The following ZFPM1 variants were observed in gnomAD, a reference collection of about 807,000 sequenced individuals.
The protein encoded by ZFPM1 is zinc finger protein ZFPM1.
In ZFPM1, 28 loss-of-function variants were observed where a neutral mutation model predicts 46.3. That is an observed-to-expected ratio of 0.60 (90% CI 0.45 to 0.83). The LOEUF is 0.83. Ranked by LOEUF, ZFPM1 falls within the 40% of genes least tolerant of loss-of-function variation. ZFPM1 has a pLI of 0.00. For synonymous variants in ZFPM1, 957 were observed against 675.9 expected (o/e 1.42, Z -6.45); for missense variants, 1,878 against 1,432.4 (o/e 1.31, Z -5.02).
intron 1 of ZFPM1, among the ~76,000 whole-genome samples, chr16:88,477,591 A>C (rs1908744772): frequency 6.6e-6 from 1 of 152,180 alleles, no homozygotes; most frequent in Non-Finnish European, 1.5e-5. Context: ...GCTACTCAGG[A>C]GGCTTAGGCC....
At chr16:88,489,003 G>T (rs1241989762) in intron 2 of ZFPM1, 28 bp from the exon 3 acceptor site, 1 of 1,605,716 alleles carries the variant, frequency 6.2e-7, no homozygotes, top group Admixed American at 1.7e-5. Flanking sequence ...CACTCAGCAG[G>T]GATGTGACGG....
chr16:88,457,776 G>A (rs1907621879), intron 1 of ZFPM1, among the ~76,000 whole-genome samples: 1 of 152,020 alleles, frequency 6.6e-6, no homozygotes, highest in South Asian at 2.1e-4. Flanking sequence ...CAGACACGAG[G>A]CACCGCACCT....
intron 3 of ZFPM1, among the ~76,000 whole-genome samples, chr16:88,502,731 G>GA (rs746836472): frequency 4.6e-5 from 7 of 152,250 alleles, no homozygotes; most frequent in Non-Finnish European, 1.0e-4. Context: ...ATTTATCCCA[G>GA]AAAAATCATC....
In ZFPM1 at chr16:88,516,362, T is replaced by C. The variant is rs141069353; in HGVS notation, c.402+1842T>C. 1.9e-3 allele frequency: 771 copies of C among 397,684 alleles called. 12 individuals carry two copies. The highest frequency in any genetic ancestry group is 0.018 in the East Asian group (506 of 28,056). The allele number at this position is 397,684 out of a possible 1,614,324, so 24.6% of individuals were successfully genotyped here. The stretch of plus-strand genomic sequence containing the variant: ...CTGCTCTGGCCTAGGGCACAGGCCA[T>C]CCTGGGGATACGGGCACGGGGTTAG... On this transcript the variant is annotated intron_variant, in intron 4 of 9. Transcript: ENST00000319555.
At chr16:88,454,488 G>A (rs1198877010) in intron 1 of ZFPM1, among the ~76,000 whole-genome samples, 1 of 152,216 alleles carries the variant, frequency 6.6e-6, no homozygotes, top group Non-Finnish European at 1.5e-5. Flanking sequence ...CTGAGTCAGA[G>A]AAGGGCCTCC....
rs755209561 is a variant in ZFPM1 at position 88,481,981 on chromosome 16, C to G, written c.41-3958C>G. On this transcript the variant is annotated intron_variant, in intron 1 of 9. Coordinates refer to ENST00000319555, the MANE Select transcript of ZFPM1 (RefSeq NM_153813.3). ...GTTTCATCTCCTGAAGTGGGAGCTGCTGTGGCTTCCATCTGTAGACCGGGA... is the reference window on the plus strand; with the variant it reads ...GTTTCATCTCCTGAAGTGGGAGCTGGTGTGGCTTCCATCTGTAGACCGGGA... Among the ~76,000 whole-genome samples, 100 of 152,336 alleles carry G rather than the reference C, an allele frequency of 6.6e-4. 1 individual carries two copies. Among genetic ancestry groups the G allele is most frequent in the Middle Eastern group, 6.8e-3 (2 of 294 alleles).
In ZFPM1 at chr16:88,497,084, C is replaced by T. The variant is rs1909971233; in HGVS notation, c.268+7931C>T. On this transcript the variant is annotated intron_variant, in intron 3 of 9. Transcript: ENST00000319555. The surrounding 1 kb of genome is among the most constrained non-coding windows in gnomAD (Gnocchi z 5.4). ...GGAGCTCTCCCAGGACCACTATGGA[C>T]AAGGTGAATTCCAGCTGATCACACA... Among the ~76,000 whole-genome samples, 1 of 152,246 alleles carries T rather than the reference C, an allele frequency of 6.6e-6. No homozygotes were observed. The highest frequency in any genetic ancestry group is 1.5e-5 in the Non-Finnish European group (1 of 68,050).
Position 88,493,877 on chromosome 16 carries a change from G to A in ZFPM1, c.268+4724G>A, listed in dbSNP as rs576289471. On this transcript the variant is annotated intron_variant, in intron 3 of 9. Transcript: ENST00000319555. ...GTTCTGAGCTCTGTCTGCTGCGAGCGGCTTTGCTCTCGAGCGCCACGGCTT... is the reference window on the plus strand; with the variant it reads ...GTTCTGAGCTCTGTCTGCTGCGAGCAGCTTTGCTCTCGAGCGCCACGGCTT... 7.2e-5 allele frequency among the ~76,000 whole-genome samples: 11 copies of A among 152,286 alleles called. No homozygotes were observed. The South Asian group carries it at 1.5e-3, about 20-fold the overall frequency.
At chr16:88,526,964 G>C (rs1418249446) in intron 5 of ZFPM1, 48 bp downstream of exon 5, 1 of 1,528,428 alleles carries the variant, frequency 6.5e-7, no homozygotes, top group Admixed American at 2.0e-5. Context: ...GAAGGTGGGG[G>C]TCACTTGGCT....
At chr16:88,460,091 T>C (rs2142338686) in intron 1 of ZFPM1, among the ~76,000 whole-genome samples, 1 of 151,954 alleles carries the variant, frequency 6.6e-6, no homozygotes, top group East Asian at 2.0e-4. Flanking sequence ...ACTCTTGCCC[T>C]CTTGGGCTGG....
chr16:88,500,284 G>T (rs1052329362), intron 3 of ZFPM1, among the ~76,000 whole-genome samples: 6 of 152,192 alleles, frequency 3.9e-5, no homozygotes, highest in African/African-American at 7.2e-5. Flanking sequence ...TGGGCCTGCC[G>T]CATGGCCGGG....
intron 3 of ZFPM1, among the ~76,000 whole-genome samples, chr16:88,490,502 G>C (rs1395742692): frequency 6.6e-6 from 1 of 152,234 alleles, no homozygotes; most frequent in African/African-American, 2.4e-5. Flanking sequence ...CTGGGGAGCG[G>C]GAAAGGCTTC....
rs879174932 is a variant in ZFPM1, at chr16:88,501,441, C to T, written c.268+12288C>T. ...AGATAGCAGACATGGATGCGGGGGCCATCCCGCAGGTGCTGGTGATGATAG... is the reference window on the plus strand; with the variant it reads ...AGATAGCAGACATGGATGCGGGGGCTATCCCGCAGGTGCTGGTGATGATAG... On this transcript the variant is annotated intron_variant, in intron 3 of 9. Transcript: ENST00000319555. Among the ~76,000 whole-genome samples the T allele has an allele frequency of 4.4e-4, 47 of 105,636 alleles. 1 individual carries two copies. The highest frequency in any genetic ancestry group is 1.4e-3 in the East Asian group (4 of 2,872). The allele number at this position is 105,636 out of a possible 152,430, so 69.3% of individuals were successfully genotyped here.
chr16:88,451,869 C>T (rs1456634334), upstream of ZFPM1, among the ~76,000 whole-genome samples: 1 of 151,980 alleles, frequency 6.6e-6, no homozygotes, highest in Non-Finnish European at 1.5e-5. Flanking sequence ...TGGGGAGGGA[C>T]GGCGCATATC....
At chr16:88,453,186 C>G (rs1907357626), upstream of ZFPM1, 3 of 120,992 alleles carry the variant, frequency 2.5e-5, no homozygotes, top group East Asian at 5.3e-4. Flanking sequence ...GTGCAGGGCC[C>G]GGCAGGAGGC....
intron 6 of ZFPM1, among the ~76,000 whole-genome samples, chr16:88,529,992 G>A (rs1912658625): frequency 6.6e-6 from 1 of 152,206 alleles, no homozygotes; most frequent in Non-Finnish European, 1.5e-5. Context: ...GCCCCAGGGA[G>A]CCAGGAGGTC....
At chr16:88,524,058 C>A (rs1912121045) in intron 4 of ZFPM1, among the ~76,000 whole-genome samples, 1 of 152,190 alleles carries the variant, frequency 6.6e-6, no homozygotes. Flanking sequence ...ATTAAACCGG[C>A]CGGCAGGCTG....
rs1912958449 is a variant in ZFPM1, at chr16:88,533,326, G to A, written c.1368G>A (p.Pro456=). 1 of 1,530,456 alleles carries A rather than the reference G, an allele frequency of 6.5e-7. No individual in the cohort carries two copies. The highest frequency in any genetic ancestry group is 8.8e-7 in the Non-Finnish European group (1 of 1,142,278). The allele number at this position is 1,530,456 out of a possible 1,614,324, so 94.8% of individuals were successfully genotyped here. A position where few individuals can be genotyped will look rare whatever the true frequency, so the allele number is the denominator to read the frequency against. The change falls in exon 10 of 10, where the codon CCG becomes CCA. Residue 456 remains proline, a synonymous_variant. Transcript: ENST00000319555. ...LAQNGGSSEP[P]AAPRSIKVEA... ...AGAATGGAGGCAGCAGCGAGCCCCC[G>A]GCGGCCCCCAGGAGCATCAAGGTGG... is the stretch of plus-strand genomic sequence containing the variant.
intron 3 of ZFPM1, among the ~76,000 whole-genome samples, chr16:88,494,888 C>T (rs984965692): frequency 2.0e-5 from 3 of 152,158 alleles, no homozygotes; most frequent in African/African-American, 7.2e-5. Flanking sequence ...GCCACCAGCC[C>T]GGATGCGAAG....
Sources: gnomAD v4.1 joint callset for allele counts (sites outside exome capture counted in the v4.1 genomes callset) on GRCh38, gnomAD v4.1.1 for gene constraint, Gnocchi (gnomAD v3.1) non-coding constraint, MANE v1.5 for transcripts, NCBI Gene and HGNC (gene_info 2026-07-23, HGNC 2026-07-21) for gene names.